The following DPP10 variants were observed in gnomAD, a reference collection of about 807,000 sequenced individuals.
DPP10 encodes inactive dipeptidyl peptidase 10.
In DPP10, 33 loss-of-function variants were observed where a neutral mutation model predicts 120.9. The observed-to-expected ratio is 0.27, with a 90% CI of 0.21 to 0.37. The LOEUF (loss-of-function observed/expected upper bound fraction) is 0.37. Ranked by LOEUF, DPP10 falls within the 10% of genes least tolerant of loss-of-function variation. The pLI, the probability that DPP10 is intolerant of heterozygous loss-of-function variation, is 1.00. For synonymous variants in DPP10, 337 were observed against 326.1 expected, an observed-to-expected ratio of 1.03 and a Z score of -0.36; for missense variants, 816 against 942.8, an observed-to-expected ratio of 0.87 and a Z score of 1.76.
intron 1 of DPP10, among the ~76,000 whole-genome samples, chr2:114,582,768 C>T (rs1239877702): frequency 1.3e-5 from 2 of 152,066 alleles, no homozygotes; most frequent in Admixed American, 6.5e-5. Flanking sequence ...AGATCTCATG[C>T]CTATTTTTTT....
intron 1 of DPP10, among the ~76,000 whole-genome samples, chr2:115,212,878 ATAGT>A (rs1423381178): frequency 6.6e-6 from 1 of 152,140 alleles, no homozygotes; most frequent in Non-Finnish European, 1.5e-5. Context: ...TGAGAAATGC[ATAGT>A]TATTCACATT....
chr2:114,777,860 T>A (rs1432946105), intron 1 of DPP10, among the ~76,000 whole-genome samples: 1 of 152,128 alleles, frequency 6.6e-6, no homozygotes, highest in African/African-American at 2.4e-5. Flanking sequence ...GTCAAAGAGT[T>A]CACTGTTCTT....
chr2:114,887,350 T>C (rs1332792193), intron 1 of DPP10, among the ~76,000 whole-genome samples: 2 of 152,184 alleles, frequency 1.3e-5, no homozygotes, highest in African/African-American at 4.8e-5. Context: ...AAACTAATCA[T>C]AAAATTTTGC....
At chr2:115,790,963 G>T in intron 17 of DPP10, 118 bp from the exon 18 acceptor site, 1 of 593,810 alleles carries the variant, frequency 1.7e-6, no homozygotes. Flanking sequence ...GAGAAATGAT[G>T]AGTTAATCAG....
At chr2:115,273,510 G>A (rs1201168844) in intron 1 of DPP10, among the ~76,000 whole-genome samples, 3 of 151,990 alleles carry the variant, frequency 2.0e-5, no homozygotes, top group Non-Finnish European at 4.4e-5. Context: ...CTAATTTTTT[G>A]TATTTTTAGT....
At position 114,773,455 on chromosome 2, in the gene DPP10, G is replaced by C. The variant is rs191234507; in HGVS notation, c.60+330617G>C. Among the ~76,000 whole-genome samples the C allele has an allele frequency of 4.1e-3, 606 of 149,128 alleles. 7 individuals carry two copies. Among genetic ancestry groups the C allele is most frequent in the African/African-American group, 0.015 (584 of 39,612 alleles). The stretch of plus-strand genomic sequence containing the variant: ...GACTTTTTAAATGAACACTCATCAC[G>C]GACTTTTAGTTTATACAAATTATAA... On this transcript the variant is annotated intron_variant, in intron 1 of 25. Coordinates refer to ENST00000410059, the MANE Select transcript of DPP10 (RefSeq NM_020868.6).
At chr2:115,330,609 G>C (rs960836546) in intron 2 of DPP10, among the ~76,000 whole-genome samples, 1 of 151,884 alleles carries the variant, frequency 6.6e-6, no homozygotes, top group East Asian at 1.9e-4. Context: ...ATTAATTTTT[G>C]TATAAGGTGT....
At chr2:115,666,962 G>A (rs1477680423) in intron 5 of DPP10, among the ~76,000 whole-genome samples, 2 of 152,054 alleles carry the variant, frequency 1.3e-5, no homozygotes, top group African/African-American at 2.4e-5. Flanking sequence ...ACTGGTATGA[G>A]ATGACTGGAA....
chr2:114,734,002 A>G (rs1310274879), intron 1 of DPP10, among the ~76,000 whole-genome samples: 3 of 152,200 alleles, frequency 2.0e-5, no homozygotes, highest in African/African-American at 7.2e-5. Context: ...CTAATGACCT[A>G]CAAACCATAA....
chr2:115,415,840 TTTATATATATATATATATATA>T, intron 3 of DPP10, among the ~76,000 whole-genome samples: 1 of 83,424 alleles, frequency 1.2e-5, no homozygotes, highest in African/African-American at 5.0e-5. Context: ...CTGATTTGCT[TTTATATATATATATATATATA>T]TATATATATA....
chr2:114,900,790 C>G (rs1028144633), intron 1 of DPP10, among the ~76,000 whole-genome samples: 1 of 151,996 alleles, frequency 6.6e-6, no homozygotes, highest in Non-Finnish European at 1.5e-5. Context: ...TAAAAGTTCC[C>G]CAAAATACTA....
At chr2:115,227,336 T>A (rs1478690887) in intron 1 of DPP10, among the ~76,000 whole-genome samples, 1 of 152,206 alleles carries the variant, frequency 6.6e-6, no homozygotes, top group Non-Finnish European at 1.5e-5. Context: ...CATTAAATCA[T>A]GTATGAATAG....
At chr2:115,578,395 C>T (rs1014935874) in intron 5 of DPP10, among the ~76,000 whole-genome samples, 1 of 152,060 alleles carries the variant, frequency 6.6e-6, no homozygotes, top group Non-Finnish European at 1.5e-5. Context: ...ACCCCCCACC[C>T]CTCCAACTGC....
At chr2:114,669,378 A>G (rs1302378579) in intron 1 of DPP10, among the ~76,000 whole-genome samples, 2 of 152,146 alleles carry the variant, frequency 1.3e-5, no homozygotes, top group Non-Finnish European at 2.9e-5. Flanking sequence ...TAGTCAGTGT[A>G]CATGTATGTT....
intron 2 of DPP10, among the ~76,000 whole-genome samples, chr2:115,313,420 T>C (rs1338458838): frequency 2.0e-5 from 3 of 152,150 alleles, no homozygotes; most frequent in African/African-American, 7.2e-5. Context: ...CAGCTACCAA[T>C]GATAATAATG....
Position 115,534,904 on chromosome 2 carries a change from T to G in DPP10, c.441+8932T>G, listed in dbSNP as rs2078709985. On this transcript the variant is annotated intron_variant, in intron 5 of 25. Coordinates refer to ENST00000410059, the MANE Select transcript of DPP10 (RefSeq NM_020868.6). The stretch of plus-strand genomic sequence containing the variant: ...TTCATGTGTTTTTTGACTGCATAAA[T>G]GTCTTCTTTTGAGAAGTGTCTGTTC... 7.9e-5 allele frequency among the ~76,000 whole-genome samples: 12 copies of G among 152,180 alleles called. 1 individual carries two copies. In the South Asian group the frequency reaches 2.5e-3, roughly 32 times the overall value.
chr2:114,666,579 A>G (rs971558199), intron 1 of DPP10, among the ~76,000 whole-genome samples: 2 of 152,214 alleles, frequency 1.3e-5, no homozygotes, highest in Non-Finnish European at 2.9e-5. Context: ...TTAGAATTAA[A>G]TAAGTGATCA....
At chr2:115,027,125 T>G (rs576549875) in intron 1 of DPP10, among the ~76,000 whole-genome samples, 1 of 152,334 alleles carries the variant, frequency 6.6e-6, no homozygotes, top group Non-Finnish European at 1.5e-5. Flanking sequence ...TTTTTCAGAT[T>G]GCTTTTTGTT....
At chr2:114,879,606 T>C (rs1322635343) in intron 1 of DPP10, among the ~76,000 whole-genome samples, 2 of 151,972 alleles carry the variant, frequency 1.3e-5, no homozygotes, top group East Asian at 3.9e-4. Flanking sequence ...GAAAAAGAAA[T>C]CAAATAGGAT....
Sources: allele counts gnomAD v4.1 joint callset (sites outside exome capture counted in the v4.1 genomes callset), GRCh38; gene constraint gnomAD v4.1.1; transcripts MANE v1.5; gene names NCBI Gene and HGNC (gene_info 2026-07-23, HGNC 2026-07-21).